The following TSPEAR variants were observed in gnomAD, a reference collection of about 807,000 sequenced individuals.
TSPEAR encodes thrombospondin type laminin G domain and EAR repeats.
Under a neutral mutation model 71.6 loss-of-function variants are expected in TSPEAR, and 69 were observed. The observed-to-expected ratio is 0.96, with a 90% CI of 0.79 to 1.18. TSPEAR has a LOEUF of 1.18. Among genes scored for constraint, TSPEAR ranks in the 50% most tolerant of loss-of-function variants. The pLI, the probability that TSPEAR is intolerant of heterozygous loss-of-function variation, is 0.00. For missense variants in TSPEAR, 971 were observed against 894.9 expected, an observed-to-expected ratio of 1.09 and a Z score of -1.09; for synonymous variants, 402 against 387.2, an observed-to-expected ratio of 1.04 and a Z score of -0.45.
chr21:44,576,081 A>G (rs1186169144), intron 1 of TSPEAR, among the ~76,000 whole-genome samples: 9 of 152,226 alleles, frequency 5.9e-5, no homozygotes, highest in Admixed American at 1.3e-4. Flanking sequence ...CACTGGAAGA[A>G]GTGCCAACTA....
intron 1 of TSPEAR, chr21:44,654,259 C>G: frequency 6.2e-7 from 1 of 1,608,544 alleles, no homozygotes; most frequent in Non-Finnish European, 8.5e-7. Context: ...CTACGAGGGT[C>G]ATAGGAGGCC....
intron 1 of TSPEAR, among the ~76,000 whole-genome samples, chr21:44,610,419 C>T (rs1981585122): frequency 6.6e-6 from 1 of 152,214 alleles, no homozygotes; most frequent in African/African-American, 2.4e-5. Flanking sequence ...AAGCCCCAAG[C>T]CTTGGCAGCT....
intron 1 of TSPEAR, among the ~76,000 whole-genome samples, chr21:44,569,520 G>A (rs1555922232): frequency 2.0e-5 from 3 of 152,164 alleles, no homozygotes; most frequent in South Asian, 4.1e-4. Context: ...AGAGGGTCCT[G>A]GCTGGGGCAG....
intron 1 of TSPEAR, among the ~76,000 whole-genome samples, chr21:44,615,084 G>A (rs781811089): frequency 2.6e-4 from 40 of 152,250 alleles, no homozygotes; most frequent in South Asian, 6.2e-4. Context: ...TTTGGGAAGA[G>A]GCGGGGCCGT....
At chr21:44,558,080 G>C (rs1555920134) in intron 2 of TSPEAR, 1 of 1,611,340 alleles carries the variant, frequency 6.2e-7, no homozygotes, top group Non-Finnish European at 8.5e-7. Context: ...CTGAGGAGAG[G>C]CCGCAGCACG....
rs587709196 is a variant in TSPEAR, at chr21:44,582,306, G to A, written c.83-14301C>T. On this transcript the variant is annotated intron_variant, in intron 1 of 11. Transcript: ENST00000323084. ...CTGGCCGGCAGTGAACCTGACAACCGCGAGCTCTCACTCCTTTCCCTCACG... is the reference window on the plus strand; with the variant it reads ...CTGGCCGGCAGTGAACCTGACAACCACGAGCTCTCACTCCTTTCCCTCACG... Among the ~76,000 whole-genome samples, 3 of 152,316 alleles carry A rather than the reference G, an allele frequency of 2.0e-5. No homozygotes were observed. In the South Asian group the frequency reaches 6.2e-4, roughly 32 times the overall value.
At chr21:44,514,667 A>C (rs1451008675) in intron 9 of TSPEAR, among the ~76,000 whole-genome samples, 2 of 152,232 alleles carry the variant, frequency 1.3e-5, no homozygotes, top group African/African-American at 2.4e-5. Flanking sequence ...CTCAGGGAGC[A>C]GGACCCTGTG....
chr21:44,610,422 TGGCA>T (rs1405713461), intron 1 of TSPEAR, among the ~76,000 whole-genome samples: 51 of 152,336 alleles, frequency 3.3e-4, no homozygotes, highest in Non-Finnish European at 4.9e-4. Context: ...CCCCAAGCCT[TGGCA>T]GCTTCCATGT....
chr21:44,707,046 G>T (rs576652844), intron 1 of TSPEAR, among the ~76,000 whole-genome samples: 5 of 152,374 alleles, frequency 3.3e-5, no homozygotes, highest in Admixed American at 2.6e-4. Context: ...GCCGGCATCA[G>T]TTGGGGGTTG....
chr21:44,584,628 C>T (rs1050690960), intron 1 of TSPEAR, among the ~76,000 whole-genome samples: 13 of 152,174 alleles, frequency 8.5e-5, no homozygotes, highest in Admixed American at 7.9e-4. Flanking sequence ...CTCTCTCACA[C>T]ACAATTATTC....
chr21:44,652,395 G>A (rs932238342), intron 1 of TSPEAR, among the ~76,000 whole-genome samples: 42 of 152,156 alleles, frequency 2.8e-4, no homozygotes, highest in African/African-American at 8.2e-4. Flanking sequence ...CCAGCACCCC[G>A]GTACCAGCAC....
Position 44,612,513 on chromosome 21 carries a change from G to T in TSPEAR, c.83-44508C>A, listed in dbSNP as rs1337108462. On this transcript the variant is annotated intron_variant, in intron 1 of 11. Coordinates refer to ENST00000323084, the MANE Select transcript of TSPEAR (RefSeq NM_144991.3). This position sits in a 1 kb window ranked among gnomAD's most constrained non-coding sequence, Gnocchi z 4.1. The stretch of plus-strand genomic sequence containing the variant: ...AAGCCCGTGTGCTGCGTGTCCATCT[G>T]CTCTGGAGCTTCCTCCCCATGCTGC... The T allele has an allele frequency of 6.2e-7, 1 of 1,607,628 alleles. No individual in the cohort carries two copies. The highest frequency in any genetic ancestry group is 1.1e-5 in the South Asian group (1 of 90,912).
Position 44,612,502 on chromosome 21 carries a change from C to T in TSPEAR, c.83-44497G>A, listed in dbSNP as rs782140997. On this transcript the variant is annotated intron_variant, in intron 1 of 11. Transcript: ENST00000323084. The surrounding 1 kb of genome is among the most constrained non-coding windows in gnomAD (Gnocchi z 4.1). ...CCAACTGCTGCAAGCCCGTGTGCTGCGTGTCCATCTGCTCTGGAGCTTCCT... is the reference window on the plus strand; with the variant it reads ...CCAACTGCTGCAAGCCCGTGTGCTGTGTGTCCATCTGCTCTGGAGCTTCCT... The T allele has an allele frequency of 1.7e-5, 27 of 1,608,786 alleles. No individual in the cohort carries two copies. Among genetic ancestry groups the T allele is most frequent in the East Asian group, 8.9e-5 (4 of 44,810 alleles).
At chr21:44,665,480 C>T (rs1325539276) in intron 1 of TSPEAR, among the ~76,000 whole-genome samples, 1 of 152,248 alleles carries the variant, frequency 6.6e-6, no homozygotes, top group Non-Finnish European at 1.5e-5. Flanking sequence ...CTGGGAAAAG[C>T]AAGTTCCAGA....
chr21:44,511,541 C>T (rs1162857656), intron 9 of TSPEAR, among the ~76,000 whole-genome samples: 1 of 152,204 alleles, frequency 6.6e-6, no homozygotes, highest in Non-Finnish European at 1.5e-5. Context: ...TGTATACTTG[C>T]ACACATGCCT....
intron 1 of TSPEAR, chr21:44,600,545 G>T (rs1980723746): frequency 2.0e-6 from 3 of 1,509,332 alleles, no homozygotes; most frequent in Non-Finnish European, 2.7e-6. Context: ...ACATCCCTGA[G>T]CACCTAACAC....
rs1569152188 is a variant in TSPEAR, at chr21:44,509,408, T to TGCAGAGGTGTGGGGGAGCAGGC, written c.1567-23_1567-22insGCCTGCTCCCCCACACCTCTGC. 3 of 1,558,338 alleles carry TGCAGAGGTGTGGGGGAGCAGGC rather than the reference T, an allele frequency of 1.9e-6. No individual in the cohort carries two copies. The East Asian group carries it at 7.4e-5, about 38-fold the overall frequency. Reference sequence around the variant, plus strand: ...ACGTCTAGGACCAAAGGAGAGCAGGTGCAGAGGTGTGGGGGAGCGGGCGCA... The same window carrying TGCAGAGGTGTGGGGGAGCAGGC: ...ACGTCTAGGACCAAAGGAGAGCAGGTGCAGAGGTGTGGGGGAGCAGGCGCAGAGGTGTGGGGGAGCGGGCGCA... On this transcript the variant is annotated intron_variant, in intron 9 of 11. Coordinates refer to ENST00000323084, the MANE Select transcript of TSPEAR (RefSeq NM_144991.3).
chr21:44,696,115 G>A lies in TSPEAR; in HGVS notation c.82+15318C>T, dbSNP rs572123018. 2.0e-5 allele frequency among the ~76,000 whole-genome samples: 3 copies of A among 152,148 alleles called. No homozygotes were observed. In the South Asian group the frequency reaches 6.2e-4, roughly 32 times the overall value. On this transcript the variant is annotated intron_variant, in intron 1 of 11. Transcript: ENST00000323084. ...AACTGGACCTTCCCTTCACAATAAT[G>A]TTTTTTCACATTCCCACTCATAAAT... is the stretch of plus-strand genomic sequence containing the variant.
rs758209884 is a variant in TSPEAR at position 44,593,659 on chromosome 21, G to T, written c.83-25654C>A. 2.0e-5 allele frequency among the ~76,000 whole-genome samples: 3 copies of T among 152,056 alleles called. No individual in the cohort carries two copies. Among genetic ancestry groups the T allele is most frequent in the Admixed American group, 6.5e-5 (1 of 15,270 alleles). On this transcript the variant is annotated intron_variant, in intron 1 of 11. Coordinates refer to ENST00000323084, the MANE Select transcript of TSPEAR (RefSeq NM_144991.3). The surrounding 1 kb of genome is among the most constrained non-coding windows in gnomAD (Gnocchi z 5.9). ...CAGCACTAAAGTTAAAATAGAGACC[G>T]TAAGACCCACAGAGCAGACTCTGGC...
Sources: allele counts gnomAD v4.1 joint callset (sites outside exome capture counted in the v4.1 genomes callset), GRCh38; gene constraint gnomAD v4.1.1; non-coding constraint Gnocchi (gnomAD v3.1); transcripts MANE v1.5; gene names NCBI Gene and HGNC (gene_info 2026-07-23, HGNC 2026-07-21).